Variants in RFC3 observed in about 807,000 individuals in gnomAD.
RFC3 encodes the protein replication factor C subunit 3.
Under a neutral mutation model 45.1 loss-of-function variants are expected in RFC3, and 41 were observed. The ratio of observed to expected loss-of-function variants is 0.91; its 90% CI spans 0.71 to 1.18. The LOEUF (loss-of-function observed/expected upper bound fraction) is 1.18, where lower values mean the gene tolerates loss of function less well. Among genes scored for constraint, RFC3 ranks in the 50% most tolerant of loss-of-function variants. RFC3 has a pLI of 0.00. For synonymous variants in RFC3, 149 were observed against 144.0 expected (o/e 1.03, Z -0.25); for missense variants, 423 against 428.1 (o/e 0.99, Z 0.10).
At chr13:33,891,646 T>C (rs118031332) in intron 8 of RFC3, among the ~76,000 whole-genome samples, 2 of 152,194 alleles carry the variant, frequency 1.3e-5, no homozygotes, top group Non-Finnish European at 2.9e-5. Context: ...ATTACACCCA[T>C]CAATGAACAA....
chr13:33,859,147 C>T (rs2082324956), intron 8 of RFC3, among the ~76,000 whole-genome samples: 1 of 152,136 alleles, frequency 6.6e-6, no homozygotes, highest in South Asian at 2.1e-4. Context: ...TTTTGAGACT[C>T]AAAAATAACC....
At chr13:33,882,176 A>G (rs750576220) in intron 8 of RFC3, among the ~76,000 whole-genome samples, 1 of 152,246 alleles carries the variant, frequency 6.6e-6, no homozygotes, top group East Asian at 1.9e-4. Flanking sequence ...TTATGTAAAC[A>G]TAATGCATTA....
chr13:33,970,819 G>A (rs1474222302), downstream of RFC3, among the ~76,000 whole-genome samples: 2 of 152,220 alleles, frequency 1.3e-5, no homozygotes, highest in African/African-American at 4.8e-5. Context: ...TCTTGTGGGT[G>A]AGTGGAAGTT....
Position 33,966,509 on chromosome 13 carries a change from C to A in RFC3, c.*384C>A, listed in dbSNP as rs139844184. On this transcript the variant is annotated 3_prime_UTR_variant, in exon 9 of 9. Transcript: ENST00000434425. ...TTTGTCATGTATTTAATAAGTACAACTACCTATGCCACCCTGCAATAAAAT... is the reference window on the plus strand; with the variant it reads ...TTTGTCATGTATTTAATAAGTACAAATACCTATGCCACCCTGCAATAAAAT... 709 of 212,644 alleles carry A rather than the reference C, an allele frequency of 3.3e-3. 4 individuals carry two copies. The highest frequency in any genetic ancestry group is 0.015 in the African/African-American group (665 of 44,542). The allele number at this position is 212,644 out of a possible 1,614,324, so 13.2% of individuals were successfully genotyped here.
chr13:33,948,981 T>G (rs1239137054), intron 8 of RFC3, among the ~76,000 whole-genome samples: 2 of 152,080 alleles, frequency 1.3e-5, no homozygotes, highest in African/African-American at 4.8e-5. Flanking sequence ...CTGGAGTGAG[T>G]TAAGACTTTG....
rs186180246 is a variant in RFC3, at chr13:33,827,641, A to G, written c.391+1755A>G. 1.7e-4 allele frequency among the ~76,000 whole-genome samples: 26 copies of G among 152,372 alleles called. No homozygotes were observed. The East Asian group carries it at 4.6e-3, about 27-fold the overall frequency. On this transcript the variant is annotated intron_variant, in intron 4 of 8. Transcript: ENST00000380071. Reference sequence around the variant, plus strand: ...TTTACCACCCAATTACAGTTGAATTAACCTATTCTTACATGAAGCTTACTG... The same window carrying G: ...TTTACCACCCAATTACAGTTGAATTGACCTATTCTTACATGAAGCTTACTG...
downstream of RFC3, among the ~76,000 whole-genome samples, chr13:33,967,605 A>G (rs530061839): frequency 6.7e-6 from 1 of 148,662 alleles, no homozygotes; most frequent in Admixed American, 6.9e-5. Context: ...CTCCTGCCTC[A>G]GCCACCCAAG....
At chr13:33,868,225 C>G (rs755536557) in intron 8 of RFC3, among the ~76,000 whole-genome samples, 1 of 152,164 alleles carries the variant, frequency 6.6e-6, no homozygotes, top group Non-Finnish European at 1.5e-5. Context: ...AGCTCCAACA[C>G]CCTTCCCTTC....
At position 33,835,988 on chromosome 13, in the gene RFC3, AT is replaced by A. The variant is rs1381903679; in HGVS notation, c.880-115del. 188 of 1,078,348 alleles carry A rather than the reference AT, an allele frequency of 1.7e-4. 1 individual carries two copies. The African/African-American group carries it at 2.7e-3, about 16-fold the overall frequency. 66.8% of individuals were successfully genotyped at this position (1,078,348 alleles called of 1,614,324 possible). ...CGTTGATTCACATAAAAAATTAAAG[AT>A]CTCACACATATAAAGAGAGTATGTT... On this transcript the variant is annotated intron_variant, in intron 8 of 8. Transcript: ENST00000380071.
intron 8 of RFC3, among the ~76,000 whole-genome samples, chr13:33,907,428 CAAAT>C (rs1024868165): frequency 1.4e-4 from 22 of 152,048 alleles, no homozygotes; most frequent in Non-Finnish European, 2.9e-4. Flanking sequence ...CTTCCCAAGA[CAAAT>C]AAAATAAATG....
rs142812204 is a variant in RFC3 at position 33,950,337 on chromosome 13, G to A, written c.880-15750G>A. Among the ~76,000 whole-genome samples, 134 of 152,192 alleles carry A rather than the reference G, an allele frequency of 8.8e-4. 5 individuals carry two copies. In the East Asian group the frequency reaches 0.01, roughly 12 times the overall value. On this transcript the variant is annotated intron_variant, in intron 8 of 8. Transcript: ENST00000434425. ...GTACAATTTTGGTGCCTCTGGCTAA[G>A]GAACTAGCAGTTTTAGCTAACATTG...
chr13:33,965,608 G>A (rs1477298233), intron 8 of RFC3, among the ~76,000 whole-genome samples: 1 of 152,140 alleles, frequency 6.6e-6, no homozygotes, highest in Non-Finnish European at 1.5e-5. Context: ...TAAATAAGAT[G>A]TCTATATATT....
chr13:33,828,765 A>G (rs1227451011), intron 4 of RFC3, among the ~76,000 whole-genome samples: 1 of 152,144 alleles, frequency 6.6e-6, no homozygotes, highest in Non-Finnish European at 1.5e-5. Flanking sequence ...GGCTCAAGGG[A>G]TCTGCCTTCC....
intron 8 of RFC3, among the ~76,000 whole-genome samples, chr13:33,929,943 A>G (rs1056473936): frequency 6.6e-6 from 1 of 152,104 alleles, no homozygotes; most frequent in African/African-American, 2.4e-5. Flanking sequence ...AAAGTTCTTA[A>G]TGTAGCTTGC....
At chr13:33,901,366 A>T (rs904173518) in intron 8 of RFC3, among the ~76,000 whole-genome samples, 13 of 152,120 alleles carry the variant, frequency 8.5e-5, no homozygotes, top group Non-Finnish European at 1.8e-4. Flanking sequence ...CCATAAAAAA[A>T]TAAAATCTTG....
At position 33,830,806 on chromosome 13, in the gene RFC3, A is replaced by T; in HGVS notation, c.661A>T (p.Arg221Ter). The T allele has an allele frequency of 6.2e-7, 1 of 1,613,802 alleles. No homozygotes were observed. Among genetic ancestry groups the T allele is most frequent in the East Asian group, 2.2e-5 (1 of 44,870 alleles). The change falls in exon 6 of 9, where the codon AGA becomes TGA. Residue 221 changes from arginine to a stop codon, truncating the protein, a stop_gained. Coordinates refer to ENST00000380071, the MANE Select transcript of RFC3 (RefSeq NM_002915.4). LOFTEE classifies it high-confidence loss of function. ...LAHRLAEKSC[R>*]NLRKALLMCE... ...TCATAGACTTGCAGAGAAGTCTTGTAGAAATCTCAGAAAAGCCCTGCTTAT... is the reference window on the plus strand; with the variant it reads ...TCATAGACTTGCAGAGAAGTCTTGTTGAAATCTCAGAAAAGCCCTGCTTAT...
the RFC3 span, among the ~76,000 whole-genome samples, chr13:33,977,123 A>G: frequency 6.6e-6 from 1 of 152,184 alleles, no homozygotes; most frequent in Non-Finnish European, 1.5e-5. Context: ...CAAGGTCATC[A>G]AAAACAATGA....
intron 8 of RFC3, among the ~76,000 whole-genome samples, chr13:33,924,936 G>T (rs2082794082): frequency 6.7e-6 from 1 of 150,318 alleles, no homozygotes; most frequent in East Asian, 2.0e-4. Flanking sequence ...AAAATAACTA[G>T]GTGAGATGAT....
intron 8 of RFC3, 78 bp from the exon 9 acceptor site, chr13:33,836,025 CT>C: frequency 7.2e-7 from 1 of 1,393,080 alleles, no homozygotes. Flanking sequence ...TAACTTTAGT[CT>C]TTTTGTGAAT....
Sources: allele counts gnomAD v4.1 joint callset (sites outside exome capture counted in the v4.1 genomes callset), GRCh38; gene constraint gnomAD v4.1.1; transcripts MANE v1.5; gene names NCBI Gene and HGNC (gene_info 2026-07-23, HGNC 2026-07-21).